The following NTRK3 variants were observed in gnomAD, a reference collection of about 807,000 sequenced individuals.
NTRK3 encodes the protein NT-3 growth factor receptor.
NTRK3 carries 24 observed loss-of-function variants against 91.7 expected under a neutral mutation model. The observed-to-expected ratio is 0.26, with a 90% CI of 0.19 to 0.37. The LOEUF (loss-of-function observed/expected upper bound fraction) is 0.37. Among genes scored for constraint, NTRK3 ranks in the 10% least tolerant of loss-of-function variants. The pLI is 1.00. For missense variants in NTRK3, 880 were observed against 1,068.9 expected (o/e 0.82, Z 2.46); for synonymous variants, 483 against 404.0 (o/e 1.20, Z -2.34).
At chr15:88,033,215 T>TATATATATATAA (rs1491311337) in intron 13 of NTRK3, among the ~76,000 whole-genome samples, 170 bp from the exon 14 acceptor site, 2 of 126,740 alleles carry the variant, frequency 1.6e-5, no homozygotes, top group African/African-American at 3.0e-5. Flanking sequence ...TATATATATA[T>TATATATATATAA]AAATTCAGTT....
chr15:87,979,154 G>T, intron 14 of NTRK3: 1 of 633,112 alleles, frequency 1.6e-6, no homozygotes. Context: ...GAGGGAAGGG[G>T]CAACCCTGCC....
chr15:88,184,507 C>A (rs2046791369), intron 3 of NTRK3, among the ~76,000 whole-genome samples: 1 of 152,220 alleles, frequency 6.6e-6, no homozygotes, highest in African/African-American at 2.4e-5. Flanking sequence ...CAAGAATTAA[C>A]TGGATTCATT....
intron 17 of NTRK3, among the ~76,000 whole-genome samples, chr15:87,911,666 C>A (rs767047763): frequency 1.3e-4 from 20 of 152,180 alleles, no homozygotes; most frequent in Admixed American, 4.6e-4. Flanking sequence ...GGAGGACAAC[C>A]CTTGCATACA....
intron 3 of NTRK3, among the ~76,000 whole-genome samples, chr15:88,201,354 C>A (rs1268795002): frequency 1.3e-5 from 2 of 152,210 alleles, no homozygotes; most frequent in African/African-American, 4.8e-5. Context: ...CAGACACCTA[C>A]CACCCACGGG....
intron 5 of NTRK3, among the ~76,000 whole-genome samples, chr15:88,158,898 A>G (rs909930561): frequency 3.3e-5 from 5 of 151,794 alleles, no homozygotes; most frequent in African/African-American, 1.2e-4. Flanking sequence ...ATGACAAGAG[A>G]AAAAAAAAGA....
intron 5 of NTRK3, among the ~76,000 whole-genome samples, chr15:88,176,156 G>GTT: frequency 4.1e-5 from 1 of 24,244 alleles, no homozygotes. Flanking sequence ...TTTTTTTTTT[G>GTT]AGACAGAGTC....
intron 14 of NTRK3, among the ~76,000 whole-genome samples, chr15:88,026,732 G>C (rs968910037): frequency 2.0e-5 from 3 of 152,178 alleles, no homozygotes; most frequent in African/African-American, 7.2e-5. Flanking sequence ...AGTGACAGGT[G>C]GGGACTTAAA....
At chr15:87,960,292 C>T (rs1009427458) in intron 14 of NTRK3, among the ~76,000 whole-genome samples, 2 of 152,162 alleles carry the variant, frequency 1.3e-5, no homozygotes, top group Non-Finnish European at 2.9e-5. Flanking sequence ...CTACTTACCT[C>T]ATGTTTATTT....
chr15:88,236,074 C>T (rs2035864452), intron 3 of NTRK3, among the ~76,000 whole-genome samples: 1 of 152,158 alleles, frequency 6.6e-6, no homozygotes, highest in South Asian at 2.1e-4. Context: ...TATCAGACAT[C>T]CCAGAAATTT....
chr15:87,952,210 GAAGAAAAGAAAAGAGA>G (rs1461396634), intron 14 of NTRK3, among the ~76,000 whole-genome samples: 16 of 140,994 alleles, frequency 1.1e-4, no homozygotes, highest in East Asian at 8.2e-4. Flanking sequence ...AAGAAAGAAA[GAAGAAAAGAAAAGAGA>G]AAGAAAAGAA....
intron 8 of NTRK3, 70 bp from the exon 9 acceptor site, chr15:88,136,110 A>C: frequency 3.8e-6 from 6 of 1,569,798 alleles, no homozygotes; most frequent in Non-Finnish European, 5.3e-6. Flanking sequence ...CTAATCCCCA[A>C]ATACCTTTAG....
chr15:88,239,703 T>G (rs1200872350), intron 3 of NTRK3, among the ~76,000 whole-genome samples: 1 of 152,042 alleles, frequency 6.6e-6, no homozygotes. Context: ...CCTGGCAGAA[T>G]GTGCTTGGGA....
intron 3 of NTRK3, among the ~76,000 whole-genome samples, chr15:88,193,859 C>A (rs112252961): frequency 1.0e-3 from 156 of 152,296 alleles, no homozygotes; most frequent in African/African-American, 3.6e-3. Context: ...GACTCCATGT[C>A]CTCCTCCAGC....
At chr15:88,068,290 G>C (rs12594901) in intron 13 of NTRK3, among the ~76,000 whole-genome samples, 2 of 152,086 alleles carry the variant, frequency 1.3e-5, no homozygotes, top group Non-Finnish European at 2.9e-5. Context: ...ATATTAGCCA[G>C]GTGTGGTGGT....
chr15:88,108,048 C>G (rs1434240062), intron 13 of NTRK3, among the ~76,000 whole-genome samples: 1 of 152,152 alleles, frequency 6.6e-6, no homozygotes, highest in Non-Finnish European at 1.5e-5. Context: ...AGCCCATAGG[C>G]AAAGACCCCA....
chr15:88,195,112 C>T (rs1488705351), intron 3 of NTRK3, among the ~76,000 whole-genome samples: 2 of 152,112 alleles, frequency 1.3e-5, no homozygotes, highest in African/African-American at 2.4e-5. Context: ...TGGTGTCTAG[C>T]GGGGTGAGGC....
chr15:87,902,882 A>T (rs544986642), intron 17 of NTRK3, among the ~76,000 whole-genome samples: 1 of 152,172 alleles, frequency 6.6e-6, no homozygotes, highest in Non-Finnish European at 1.5e-5. Context: ...TGAAACTACG[A>T]TAAGCCTCCT....
chr15:88,028,817 A>C (rs2078273153), intron 14 of NTRK3, among the ~76,000 whole-genome samples: 1 of 152,006 alleles, frequency 6.6e-6, no homozygotes, highest in Non-Finnish European at 1.5e-5. Context: ...TGAACAGAGA[A>C]CCCTGTTCAT....
chr15:88,111,914 T>G (rs142999349), intron 13 of NTRK3, among the ~76,000 whole-genome samples: 1,404 of 139,522 alleles, frequency 0.01, 15 homozygotes, highest in African/African-American at 0.034. Flanking sequence ...TTTTGTTTTT[T>G]TTTTTTGAGA....
Sources: allele counts gnomAD v4.1 joint callset (sites outside exome capture counted in the v4.1 genomes callset), GRCh38; gene constraint gnomAD v4.1.1; transcripts MANE v1.5; gene names NCBI Gene and HGNC (gene_info 2026-07-23, HGNC 2026-07-21).